The following FAM199X variants were observed in gnomAD, a reference collection of about 807,000 sequenced individuals.
FAM199X encodes the protein family with sequence similarity 199, X-linked.
A neutral mutation model predicts 22.9 loss-of-function variants in FAM199X; 4 were observed. The ratio of observed to expected loss-of-function variants is 0.17; its 90% confidence interval spans 0.09 to 0.40. The LOEUF (loss-of-function observed/expected upper bound fraction) is 0.40, where lower values mean the gene tolerates loss of function less well. Among genes scored for constraint, FAM199X ranks in the 10% least tolerant of loss-of-function variants. The pLI, the probability that FAM199X is intolerant of heterozygous loss-of-function variation, is 1.00. For synonymous variants in FAM199X, 101 were observed against 112.3 expected (o/e 0.90, Z 0.64); for missense variants, 183 against 306.8 (o/e 0.60, Z 3.01).
chrX:104,167,734 T>A (rs782167795), intron 1 of FAM199X, among the ~76,000 whole-genome samples: 9 of 111,321 alleles, frequency 8.1e-5, no homozygotes, highest in Non-Finnish European at 1.5e-4. Context: ...TCAGAGGGTG[T>A]ATCTCCTCCT....
intron 1 of FAM199X, among the ~76,000 whole-genome samples, chrX:104,170,435 A>G (rs1921321703): frequency 9.0e-6 from 1 of 111,567 alleles, no homozygotes; most frequent in African/African-American, 3.3e-5. Context: ...ATTTGGGAGT[A>G]ATCAGTAGAA....
chrX:104,174,053 T>C (rs782303980), intron 1 of FAM199X, among the ~76,000 whole-genome samples: 12 of 111,552 alleles, frequency 1.1e-4, no homozygotes, highest in South Asian at 7.5e-4. Flanking sequence ...GGCGGACAGA[T>C]GGCTTGAGCT....
At chrX:104,174,184 C>T (rs1288437015) in intron 1 of FAM199X, among the ~76,000 whole-genome samples, 6 of 110,158 alleles carry the variant, frequency 5.4e-5, no homozygotes, top group Admixed American at 4.9e-4. Context: ...ATGGGAGAAT[C>T]GCTCGAGCCT....
At chrX:104,187,446 C>G (rs1305619011) in intron 4 of FAM199X, among the ~76,000 whole-genome samples, 2 of 111,796 alleles carry the variant, frequency 1.8e-5, no homozygotes, top group Non-Finnish European at 1.9e-5. Context: ...TGAATACTTA[C>G]GTTCTTATGT....
chrX:104,185,317 C>T (rs1921772385), intron 2 of FAM199X, among the ~76,000 whole-genome samples: 1 of 110,842 alleles, frequency 9.0e-6, no homozygotes, highest in African/African-American at 3.3e-5. Flanking sequence ...GGCAAAAAGC[C>T]AGTTAGTGGC....
Position 104,166,657 on chromosome X carries a change from C to T in FAM199X, c.-129C>T, listed in dbSNP as rs1257321221. The T allele has an allele frequency of 1.7e-5, 10 of 575,225 alleles. No homozygotes were observed. The highest frequency in any genetic ancestry group is 2.5e-5 in the African/African-American group (1 of 40,618). 47.4% of individuals were successfully genotyped at this position (575,225 alleles called of 1,213,427 possible). A position where few individuals can be genotyped will look rare whatever the true frequency, so the allele number is the denominator to read the frequency against. Reference sequence around the variant, plus strand: ...AGCAGCAGCGGGCCGCGACGCCCAGCCTGCCAGTGAGCTGCGACGGGCACA... The same window carrying T: ...AGCAGCAGCGGGCCGCGACGCCCAGTCTGCCAGTGAGCTGCGACGGGCACA... On this transcript the variant is annotated 5_prime_UTR_variant, in exon 1 of 6. Transcript: ENST00000493442.
chrX:104,183,276 G>A (rs1444613699), intron 2 of FAM199X, among the ~76,000 whole-genome samples: 4 of 108,462 alleles, frequency 3.7e-5, no homozygotes, highest in Non-Finnish European at 7.6e-5. Flanking sequence ...GGGCCACAGG[G>A]AGATTTCTGA....
At chrX:104,189,345 A>C (rs1921882367) in intron 5 of FAM199X, among the ~76,000 whole-genome samples, 1 of 111,655 alleles carries the variant, frequency 9.0e-6, no homozygotes, top group Non-Finnish European at 1.9e-5. Context: ...AAGTCTTTGA[A>C]GTGACTTTTT....
the FAM199X span, among the ~76,000 whole-genome samples, chrX:104,157,395 CTT>C: frequency 2.7e-4 from 30 of 111,265 alleles, no homozygotes; most frequent in South Asian, 1.1e-3. Flanking sequence ...TTGTCTGACT[CTT>C]TAGCTGCATA....
chrX:104,161,696 C>T (rs1556372679), upstream of FAM199X, among the ~76,000 whole-genome samples: 5 of 110,232 alleles, frequency 4.5e-5, no homozygotes. Context: ...CAAAAATTAG[C>T]CGGGCGTGGT....
In FAM199X at chrX:104,193,828, T is replaced by G. The variant is rs1274434963; in HGVS notation, c.*4050T>G. Reference sequence around the variant, plus strand: ...AAACTTTGTCTTAAAAATAAAATTATGCTAAGTGAATAAAAACTGAGATAT... The same window carrying G: ...AAACTTTGTCTTAAAAATAAAATTAGGCTAAGTGAATAAAAACTGAGATAT... On this transcript the variant is annotated 3_prime_UTR_variant, in exon 6 of 6. Transcript: ENST00000493442. The G allele has an allele frequency of 8.9e-6, 1 of 112,121 alleles. No homozygotes were observed. The highest frequency in any genetic ancestry group is 3.2e-5 in the African/African-American group (1 of 30,955). The allele number at this position is 112,121 out of a possible 1,213,427, so 9.2% of individuals were successfully genotyped here.
chrX:104,164,372 T>C (rs1013289968), upstream of FAM199X, among the ~76,000 whole-genome samples: 4 of 112,341 alleles, frequency 3.6e-5, no homozygotes, highest in Non-Finnish European at 7.5e-5. Flanking sequence ...ACAATTAAAG[T>C]AGTATTATCT....
chrX:104,174,995 A>G (rs1556376126), intron 1 of FAM199X, among the ~76,000 whole-genome samples: 1 of 111,853 alleles, frequency 8.9e-6, no homozygotes. Flanking sequence ...CTGCCCTGCA[A>G]TGGCCCCACT....
chrX:104,188,618 G>A (rs868967480), intron 5 of FAM199X, among the ~76,000 whole-genome samples: 1 of 112,196 alleles, frequency 8.9e-6, no homozygotes, highest in Non-Finnish European at 1.9e-5. Flanking sequence ...ACTACTGAGC[G>A]AATCTCACTA....
At chrX:104,161,846 C>CA (rs782155778), upstream of FAM199X, among the ~76,000 whole-genome samples, 150 of 100,174 alleles carry the variant, frequency 1.5e-3, no homozygotes, top group Non-Finnish European at 2.5e-3. Flanking sequence ...GTCTAAAAAC[C>CA]AAAAAAAAAA....
rs139226619 is a variant in FAM199X, at chrX:104,171,790, A to G, written c.198-3833A>G. Among the ~76,000 whole-genome samples, 541 of 112,365 alleles carry G rather than the reference A, an allele frequency of 4.8e-3. 4 individuals carry two copies. The highest frequency in any genetic ancestry group is 0.016 in the African/African-American group (505 of 30,980). ...GATTATAAAAATACCATTCAGATAT[A>G]TCATTTAATCCTCATATTTTAGGGG... On this transcript the variant is annotated intron_variant, in intron 1 of 5. Transcript: ENST00000493442.
Position 104,191,138 on chromosome X carries a change from ACT to A in FAM199X, c.*1363_*1364del, listed in dbSNP as rs1460700094. On this transcript the variant is annotated 3_prime_UTR_variant, in exon 6 of 6. Coordinates refer to ENST00000493442, the MANE Select transcript of FAM199X (RefSeq NM_207318.4). ...AAGAGCTGTAATCAATATTTTTCAAACTCTAAGAGTACAGAGGTTAGTAAGAT... is the reference window on the plus strand; with the variant it reads ...AAGAGCTGTAATCAATATTTTTCAAACTAAGAGTACAGAGGTTAGTAAGAT... The A allele has an allele frequency of 9.1e-6, 1 of 110,264 alleles. No individual in the cohort carries two copies. The highest frequency in any genetic ancestry group is 1.9e-5 in the Non-Finnish European group (1 of 52,586). 9.1% of individuals were successfully genotyped at this position (110,264 alleles called of 1,213,427 possible). A position where few individuals can be genotyped will look rare whatever the true frequency, so the allele number is the denominator to read the frequency against.
Position 104,166,960 on chromosome X carries a change from C to T in FAM199X, c.175C>T (p.Leu59Phe). The change falls in exon 1 of 6, where the codon CTC becomes TTC. Residue 59 changes from leucine (L) to phenylalanine (F), a missense_variant. Leu to Phe is a conservative substitution (Grantham distance 22). Around this residue, in one of 2 missense-constraint regions of FAM199X, gnomAD observed 55 missense variants for 60.6 expected, o/e 0.91. Transcript: ENST00000493442. The stretch of plus-strand genomic sequence containing the variant: ...GTCCTCCTGCCATCGCACCGACCCG[C>T]TCCACCGCTTCCACACCAACAGGTA... ...QLSSCHRTDP[L>F]HRFHTNRWNL... 3.4e-6 allele frequency: 4 copies of T among 1,172,626 alleles called. No individual in the cohort carries two copies. The highest frequency in any genetic ancestry group is 4.6e-6 in the Non-Finnish European group (4 of 874,482).
intron 1 of FAM199X, among the ~76,000 whole-genome samples, chrX:104,168,383 A>G (rs782735657): frequency 4.4e-5 from 5 of 112,550 alleles, no homozygotes; most frequent in Non-Finnish European, 9.4e-5. Context: ...AGTGTTACAA[A>G]TAGAACTTAT....
Sources: gnomAD v4.1 joint callset for allele counts (sites outside exome capture counted in the v4.1 genomes callset) on GRCh38, gnomAD v4.1.1 for gene constraint, gnomAD v4.1.1 regional missense constraint, MANE v1.5 for transcripts, NCBI Gene and HGNC (gene_info 2026-07-23, HGNC 2026-07-21) for gene names.